The following JAK2 variants were observed in gnomAD, a reference collection of about 807,000 sequenced individuals.
JAK2 encodes the protein Janus kinase 2.
JAK2 carries 86 observed loss-of-function variants against 139.3 expected under a neutral mutation model. The observed-to-expected ratio is 0.62, with a 90% CI of 0.52 to 0.74. The LOEUF (loss-of-function observed/expected upper bound fraction) is 0.74, where lower values mean the gene tolerates loss of function less well. JAK2 is among the 30% of genes least tolerant of loss of function. JAK2 has a pLI of 0.00. For synonymous variants in JAK2, 490 were observed against 437.7 expected, an observed-to-expected ratio of 1.12 and a Z score of -1.49; for missense variants, 1,421 against 1,360.3, an observed-to-expected ratio of 1.04 and a Z score of -0.70.
intron 3 of JAK2, among the ~76,000 whole-genome samples, chr9:5,023,351 G>A (rs1054998360): frequency 6.6e-5 from 10 of 151,926 alleles, no homozygotes; most frequent in East Asian, 1.9e-4. Context: ...TCTTTTTTAC[G>A]ATGCCACTGG....
In JAK2 at chr9:5,129,216, C is replaced by T. The variant is rs1221167810; in HGVS notation, c.*2425C>T. 6.6e-6 allele frequency among the ~76,000 whole-genome samples: 1 copy of T among 152,030 alleles called. No individual in the cohort carries two copies. The highest frequency in any genetic ancestry group is 1.5e-5 in the Non-Finnish European group (1 of 67,928). Reference sequence around the variant, plus strand: ...GATGGTGGGTGTGGCATTATGTGCTCACTTTATTGAGCCTATGTTAATTTC... The same window carrying T: ...GATGGTGGGTGTGGCATTATGTGCTTACTTTATTGAGCCTATGTTAATTTC... On this transcript the variant is annotated 3_prime_UTR_variant, in exon 25 of 25. Transcript: ENST00000381652.
Position 5,128,192 on chromosome 9 carries a change from G to A in JAK2, c.*1401G>A, listed in dbSNP as rs1177583508. 2 of 229,874 alleles carry A rather than the reference G, an allele frequency of 8.7e-6. No homozygotes were observed. Among genetic ancestry groups the A allele is most frequent in the East Asian group, 6.1e-5 (1 of 16,446 alleles). 14.2% of individuals were successfully genotyped at this position (229,874 alleles called of 1,614,324 possible). A position where few individuals can be genotyped will look rare whatever the true frequency, so the allele number is the denominator to read the frequency against. On this transcript the variant is annotated 3_prime_UTR_variant, in exon 25 of 25. Coordinates refer to ENST00000381652, the MANE Select transcript of JAK2 (RefSeq NM_004972.4). ...AATAGTTTCTTACTTTATTTTTACT[G>A]GTATGTTCTACTTTTTTGAAAGTTG...
intron 22 of JAK2, chr9:5,111,514 C>T (rs1026782858): frequency 3.0e-5 from 11 of 365,742 alleles, no homozygotes; most frequent in African/African-American, 2.4e-4. Context: ...CCTATCCATC[C>T]GCCAAGACGC....
chr9:4,986,375 C>T (rs1819951380), intron 2 of JAK2, among the ~76,000 whole-genome samples: 1 of 152,138 alleles, frequency 6.6e-6, no homozygotes, highest in Non-Finnish European at 1.5e-5. Flanking sequence ...TGGGAGAACA[C>T]GTTAGCTATT....
intron 13 of JAK2, 149 bp downstream of exon 13, chr9:5,072,775 T>C (rs916535119): frequency 6.4e-6 from 3 of 469,764 alleles, no homozygotes; most frequent in Non-Finnish European, 1.1e-5. Flanking sequence ...CTTGTGGGGC[T>C]ATAGAATTAC....
chr9:5,119,688 G>T (rs1823468003), intron 22 of JAK2, among the ~76,000 whole-genome samples: 1 of 152,062 alleles, frequency 6.6e-6, no homozygotes. Context: ...AAATGTGTTA[G>T]GGGGAGGTAT....
At chr9:5,044,712 CTATTT>C (rs145259267) in intron 5 of JAK2, among the ~76,000 whole-genome samples, 192 bp downstream of exon 5, 3,664 of 152,232 alleles carry the variant, frequency 0.024, 167 homozygotes, top group African/African-American at 0.085. Flanking sequence ...ATAATAGAAT[CTATTT>C]TATAAAGTTT....
chr9:5,004,607 G>A (rs191229511), intron 2 of JAK2, among the ~76,000 whole-genome samples: 1 of 152,264 alleles, frequency 6.6e-6, no homozygotes, highest in Admixed American at 6.5e-5. Flanking sequence ...TGGGAGTGTA[G>A]ATATTGCTTT....
At chr9:5,005,083 A>ATTTTTTT (rs527982744) in intron 2 of JAK2, among the ~76,000 whole-genome samples, 2 of 40,034 alleles carry the variant, frequency 5.0e-5, no homozygotes, top group African/African-American at 1.0e-4. Context: ...TGCCTGGCTA[A>ATTTTTTT]TTTTTTTTTT....
chr9:5,052,525 A>C, intron 6 of JAK2, among the ~76,000 whole-genome samples: 1 of 152,144 alleles, frequency 6.6e-6, no homozygotes, highest in Non-Finnish European at 1.5e-5. Flanking sequence ...CACCCATTTA[A>C]AATATACAAT....
At chr9:4,997,292 A>G (rs1820629800) in intron 2 of JAK2, among the ~76,000 whole-genome samples, 3 of 152,230 alleles carry the variant, frequency 2.0e-5, no homozygotes, top group African/African-American at 4.8e-5. Context: ...TTTATAAAGA[A>G]AAGAGATTTA....
At chr9:5,026,625 G>A (rs1822799276) in intron 3 of JAK2, among the ~76,000 whole-genome samples, 1 of 152,196 alleles carries the variant, frequency 6.6e-6, no homozygotes, top group African/African-American at 2.4e-5. Flanking sequence ...TAATTGAAGT[G>A]TGGTTAGAGA....
intron 9 of JAK2, among the ~76,000 whole-genome samples, chr9:5,066,127 CT>C (rs1818552140): frequency 6.6e-6 from 1 of 151,992 alleles, no homozygotes; most frequent in African/African-American, 2.4e-5. Context: ...ATGATTCTTT[CT>C]TTTGTATAGA....
chr9:5,040,646 G>A (rs1816416998), intron 4 of JAK2, among the ~76,000 whole-genome samples: 1 of 152,258 alleles, frequency 6.6e-6, no homozygotes, highest in South Asian at 2.1e-4. Context: ...TAAAAAGTAG[G>A]CAAGGGACTT....
chr9:5,098,155 A>G (rs1471743923), intron 22 of JAK2: 2 of 152,210 alleles, frequency 1.3e-5, no homozygotes. Flanking sequence ...ATGGCTGTCC[A>G]CCACCTTACC....
intron 4 of JAK2, among the ~76,000 whole-genome samples, chr9:5,035,459 A>G (rs905486234): frequency 6.6e-6 from 1 of 152,222 alleles, no homozygotes; most frequent in African/African-American, 2.4e-5. Flanking sequence ...AATATCCTTG[A>G]TGAACATTGA....
intron 8 of JAK2, among the ~76,000 whole-genome samples, chr9:5,057,046 T>G (rs1322511621): frequency 6.6e-6 from 1 of 152,142 alleles, no homozygotes; most frequent in African/African-American, 2.4e-5. Flanking sequence ...CTGGGAAGAG[T>G]TGACATTTCT....
At chr9:5,119,772 T>C (rs1188658498) in intron 22 of JAK2, among the ~76,000 whole-genome samples, 1 of 152,162 alleles carries the variant, frequency 6.6e-6, no homozygotes, top group African/African-American at 2.4e-5. Flanking sequence ...TTTTTCCTCA[T>C]GATCAAAATT....
At position 5,050,798 on chromosome 9, in the gene JAK2, A is replaced by C. The variant is rs540747820; in HGVS notation, c.581A>C (p.Asp194Ala). Residue 194 changes from aspartate to alanine, a missense_variant, in exon 6 of 25, where the codon GAT (aspartate) becomes GCT (alanine). Transcript: ENST00000381652. ...LDMMRIAKENDQTPLAIYNSI... is the reference protein window; with the variant it reads ...LDMMRIAKENAQTPLAIYNSI... ...ATGATGAGAATAGCCAAAGAAAACG[A>C]TCAAACCCCACTGGCCATCTATAAC... The C allele has an allele frequency of 6.2e-7, 1 of 1,613,798 alleles. No homozygotes were observed. The highest frequency in any genetic ancestry group is 2.2e-5 in the East Asian group (1 of 44,864).
Sources: allele counts gnomAD v4.1 joint callset (sites outside exome capture counted in the v4.1 genomes callset), GRCh38; gene constraint gnomAD v4.1.1; transcripts MANE v1.5; gene names NCBI Gene and HGNC (gene_info 2026-07-23, HGNC 2026-07-21).